The following ADAMTS12 variants were observed in gnomAD, a reference collection of about 807,000 sequenced individuals.
ADAMTS12 encodes A disintegrin and metalloproteinase with thrombospondin motifs 12.
Under a neutral mutation model 167.8 loss-of-function variants are expected in ADAMTS12, and 118 were observed. That is an observed-to-expected ratio of 0.70 (90% CI 0.61 to 0.82). The LOEUF (loss-of-function observed/expected upper bound fraction) is 0.82. ADAMTS12 is among the 40% of genes least tolerant of loss of function. The pLI is 0.00. For missense variants in ADAMTS12, 1,916 were observed against 1,998.8 expected (o/e 0.96, Z 0.79); for synonymous variants, 704 against 716.9 (o/e 0.98, Z 0.29).
intron 3 of ADAMTS12, among the ~76,000 whole-genome samples, chr5:33,743,360 TC>T (rs1270119621): frequency 2.6e-5 from 4 of 152,218 alleles, no homozygotes; most frequent in South Asian, 2.1e-4. Flanking sequence ...GAATTTGTCC[TC>T]CCCCTGCCCA....
At chr5:33,569,017 T>G (rs575103695) in intron 19 of ADAMTS12, among the ~76,000 whole-genome samples, 1 of 152,184 alleles carries the variant, frequency 6.6e-6, no homozygotes, top group Admixed American at 6.5e-5. Context: ...GAGATCAAAC[T>G]GCAAGGCGGC....
At chr5:33,861,518 A>G (rs750021027) in intron 2 of ADAMTS12, among the ~76,000 whole-genome samples, 3 of 152,320 alleles carry the variant, frequency 2.0e-5, no homozygotes, top group Non-Finnish European at 2.9e-5. Context: ...CAACACCCAG[A>G]TTCATAAAGC....
At position 33,720,979 on chromosome 5, in the gene ADAMTS12, G is replaced by T. The variant is rs561709120; in HGVS notation, c.634+30425C>A. ...ATAGCCCAAATGAAAAATATCCACT[G>T]CCCAACAACAGTAGAATGAAGAAAT... On this transcript the variant is annotated intron_variant, in intron 3 of 23. Coordinates refer to ENST00000504830, the MANE Select transcript of ADAMTS12 (RefSeq NM_030955.4). Among the ~76,000 whole-genome samples the T allele has an allele frequency of 9.2e-5, 14 of 152,248 alleles. No homozygotes were observed. The East Asian group carries it at 2.7e-3, about 29-fold the overall frequency.
chr5:33,881,499 T>C lies in ADAMTS12; in HGVS notation c.128-19A>G. 1.2e-6 allele frequency: 2 copies of C among 1,604,040 alleles called. No homozygotes were observed. The highest frequency in any genetic ancestry group is 2.2e-5 in the South Asian group (2 of 90,850). ...AAATGCTCTGAAAGAAAAGGAGAAA[T>C]GGAAGAACAGTGAGGGAGATTGGTA... On this transcript the variant is annotated intron_variant, in intron 1 of 23. Coordinates refer to ENST00000504830, the MANE Select transcript of ADAMTS12 (RefSeq NM_030955.4).
chr5:33,658,362 C>T (rs370347360), intron 6 of ADAMTS12, 29 bp from the exon 7 acceptor site: 285 of 1,604,872 alleles, frequency 1.8e-4, no homozygotes, highest in Non-Finnish European at 2.1e-4. Flanking sequence ...GAAGCTAAGG[C>T]GCCCAAAGGA....
intron 2 of ADAMTS12, among the ~76,000 whole-genome samples, chr5:33,872,868 G>C (rs1476856670): frequency 6.6e-6 from 1 of 152,170 alleles, no homozygotes; most frequent in African/African-American, 2.4e-5. Flanking sequence ...CCTATAGATG[G>C]AGGACAAACA....
chr5:33,842,249 G>A (rs2591739), intron 2 of ADAMTS12, among the ~76,000 whole-genome samples: 3,289 of 152,296 alleles, frequency 0.022, 152 homozygotes, highest in East Asian at 0.2. Context: ...GCAAAAAAGC[G>A]AAATGTGCTT....
chr5:33,786,892 T>G (rs1561271215), intron 2 of ADAMTS12, among the ~76,000 whole-genome samples: 1 of 152,200 alleles, frequency 6.6e-6, no homozygotes, highest in Non-Finnish European at 1.5e-5. Flanking sequence ...AGATTCCCAA[T>G]TCCCCTGCCT....
intron 3 of ADAMTS12, among the ~76,000 whole-genome samples, chr5:33,727,552 T>A (rs540005707): frequency 6.6e-6 from 1 of 152,354 alleles, no homozygotes; most frequent in Admixed American, 6.5e-5. Context: ...TGTAAACACA[T>A]GAATATTAAC....
intron 5 of ADAMTS12, among the ~76,000 whole-genome samples, chr5:33,666,964 A>G (rs749451196): frequency 2.0e-5 from 3 of 152,154 alleles, no homozygotes; most frequent in Non-Finnish European, 4.4e-5. Flanking sequence ...CACATACTTC[A>G]TCTTATTTGA....
Position 33,751,800 on chromosome 5 carries a change from A to G in ADAMTS12, c.490-252T>C, listed in dbSNP as rs563926882. 7.9e-5 allele frequency among the ~76,000 whole-genome samples: 12 copies of G among 152,348 alleles called. No individual in the cohort carries two copies. In the South Asian group the frequency reaches 2.3e-3, roughly 29 times the overall value. ...TATTGAAAAAAGTGCACACATACAC[A>G]TGTGTCCGAAATGTAGCCTACAATT... is the stretch of plus-strand genomic sequence containing the variant. On this transcript the variant is annotated intron_variant, in intron 2 of 23. Coordinates refer to ENST00000504830, the MANE Select transcript of ADAMTS12 (RefSeq NM_030955.4).
chr5:33,699,876 A>G (rs1269850402), intron 3 of ADAMTS12, among the ~76,000 whole-genome samples: 3 of 152,240 alleles, frequency 2.0e-5, no homozygotes, highest in Non-Finnish European at 4.4e-5. Flanking sequence ...GTAACAATAC[A>G]AAAACAAGCA....
intron 2 of ADAMTS12, among the ~76,000 whole-genome samples, chr5:33,872,849 A>C (rs1750090945): frequency 6.6e-6 from 1 of 152,244 alleles, no homozygotes; most frequent in Non-Finnish European, 1.5e-5. Context: ...AAAAAATTAC[A>C]TGATCATACC....
intron 2 of ADAMTS12, among the ~76,000 whole-genome samples, chr5:33,801,464 A>G (rs1008978988): frequency 2.0e-5 from 3 of 152,240 alleles, no homozygotes; most frequent in African/African-American, 7.2e-5. Flanking sequence ...GTGCTGTGAT[A>G]TGACATGATA....
At position 33,524,585 on chromosome 5, in the gene ADAMTS12, G is replaced by T. The variant is rs1211073340; in HGVS notation, c.*2603C>A. On this transcript the variant is annotated 3_prime_UTR_variant, in exon 24 of 24. Transcript: ENST00000504830. Reference sequence around the variant, plus strand: ...ATCAAAGATGTAAGATACCATGCAGGTTCCTGTCTTCAGAGTCTTCCTGTT... The same window carrying T: ...ATCAAAGATGTAAGATACCATGCAGTTTCCTGTCTTCAGAGTCTTCCTGTT... 2 of 152,164 alleles carry T rather than the reference G, an allele frequency of 1.3e-5. No individual in the cohort carries two copies. The highest frequency in any genetic ancestry group is 3.9e-4 in the East Asian group (2 of 5,190). 9.4% of individuals were successfully genotyped at this position (152,164 alleles called of 1,614,324 possible). A position where few individuals can be genotyped will look rare whatever the true frequency, so the allele number is the denominator to read the frequency against.
chr5:33,601,812 A>G (rs1019102478), intron 16 of ADAMTS12, among the ~76,000 whole-genome samples: 1 of 152,240 alleles, frequency 6.6e-6, no homozygotes, highest in African/African-American at 2.4e-5. Flanking sequence ...GAACTGTTAC[A>G]TAAGTTCATA....
At position 33,624,154 on chromosome 5, in the gene ADAMTS12, A is replaced by G; in HGVS notation, c.2143+77T>C. The G allele has an allele frequency of 4.4e-6, 7 of 1,584,752 alleles. No individual in the cohort carries two copies. The South Asian group carries it at 6.9e-5, about 16-fold the overall frequency. On this transcript the variant is annotated intron_variant, in intron 14 of 23. Transcript: ENST00000504830. Reference sequence around the variant, plus strand: ...ACTGTTTAAAGAAATAAAAACAAAAACTAGGAACCAATCAACCATTTATCT... The same window carrying G: ...ACTGTTTAAAGAAATAAAAACAAAAGCTAGGAACCAATCAACCATTTATCT...
chr5:33,718,564 C>T (rs540825509), intron 3 of ADAMTS12, among the ~76,000 whole-genome samples: 1 of 152,248 alleles, frequency 6.6e-6, no homozygotes, highest in East Asian at 1.9e-4. Context: ...TATCCCACCC[C>T]CTCCCAGTCC....
chr5:33,742,148 T>C (rs922587889), intron 3 of ADAMTS12, among the ~76,000 whole-genome samples: 13 of 152,088 alleles, frequency 8.5e-5, no homozygotes, highest in Admixed American at 7.2e-4. Context: ...AGGAGGTCAA[T>C]CAATGACACA....
Sources: gnomAD v4.1 joint callset for allele counts (sites outside exome capture counted in the v4.1 genomes callset) on GRCh38, gnomAD v4.1.1 for gene constraint, MANE v1.5 for transcripts, NCBI Gene and HGNC (gene_info 2026-07-23, HGNC 2026-07-21) for gene names.